Variants in TMSB15B observed in about 807,000 individuals in gnomAD.
The protein encoded by TMSB15B is thymosin beta 15B.
In TMSB15B at chrX:103,940,248, G is replaced by T. The variant is rs1486875086; in HGVS notation, c.-721+20956G>T. On this transcript the variant is annotated intron_variant, in intron 1 of 3. Coordinates refer to the TMSB15B transcript ENST00000419165. ...AGGAATGTTAAAGTCTGCTGAAACT[G>T]CGCCCACAGCCGCCCCTTCTCCCAG... Among the ~76,000 whole-genome samples, 9 of 112,264 alleles carry T rather than the reference G, an allele frequency of 8.0e-5. No homozygotes were observed. In the Admixed American group the frequency reaches 8.5e-4, roughly 11 times the overall value.
At chrX:103,934,743 A>T (rs1345501158) in intron 1 of TMSB15B, among the ~76,000 whole-genome samples, 2 of 111,440 alleles carry the variant, frequency 1.8e-5, no homozygotes, top group African/African-American at 6.5e-5. Context: ...TCTGTCATTG[A>T]TGGGTATTTG....
rs2074983026 is a variant in TMSB15B, at chrX:103,930,773, C to T, written c.-721+11481C>T. Among the ~76,000 whole-genome samples, 3 of 103,041 alleles carry T rather than the reference C, an allele frequency of 2.9e-5. No individual in the cohort carries two copies. In the South Asian group the frequency reaches 1.3e-3, roughly 45 times the overall value. The allele number at this position is 103,041 out of a possible 115,157, so 89.5% of individuals were successfully genotyped here. Reference sequence around the variant, plus strand: ...TAATAATAATAATAATAATAAATTACTTTCAACTGGAACATTTGATGGGTT... The same window carrying T: ...TAATAATAATAATAATAATAAATTATTTTCAACTGGAACATTTGATGGGTT... On this transcript the variant is annotated intron_variant, in intron 1 of 3. Transcript: ENST00000419165.
chrX:103,925,565 A>G (rs1303597838), intron 1 of TMSB15B, among the ~76,000 whole-genome samples: 1 of 112,018 alleles, frequency 8.9e-6, no homozygotes, highest in Non-Finnish European at 1.9e-5. Flanking sequence ...GATGACTACA[A>G]ATTATTTTGC....
At chrX:103,951,635 G>A (rs2075039447) in intron 1 of TMSB15B, among the ~76,000 whole-genome samples, 1 of 111,296 alleles carries the variant, frequency 9.0e-6, no homozygotes, top group Non-Finnish European at 1.9e-5. Flanking sequence ...GGCTCATGGG[G>A]ATGTAGCTGG....
At chrX:103,930,051 G>C (rs1389811658) in intron 1 of TMSB15B, among the ~76,000 whole-genome samples, 1 of 110,484 alleles carries the variant, frequency 9.1e-6, no homozygotes, top group African/African-American at 3.3e-5. Flanking sequence ...AATGTAGTTA[G>C]TATGACATAA....
At chrX:103,931,454 A>G (rs1239173454) in intron 1 of TMSB15B, 1 of 111,830 alleles carries the variant, frequency 8.9e-6, no homozygotes, top group Non-Finnish European at 1.9e-5. Flanking sequence ...TTATTATTTA[A>G]GTGTGCACTC....
intron 1 of TMSB15B, among the ~76,000 whole-genome samples, chrX:103,953,093 G>A (rs1485822921): frequency 9.0e-6 from 1 of 111,705 alleles, no homozygotes; most frequent in Non-Finnish European, 1.9e-5. Context: ...AAGGCAGGAC[G>A]ACGGCACACC....
chrX:103,933,451 C>T (rs1258436618), intron 1 of TMSB15B, among the ~76,000 whole-genome samples: 3 of 111,221 alleles, frequency 2.7e-5, no homozygotes, highest in Non-Finnish European at 3.8e-5. Context: ...ATAACTAGCC[C>T]GGGCAAGAAA....
At chrX:103,922,629 C>G (rs2074956898) in intron 1 of TMSB15B, among the ~76,000 whole-genome samples, 1 of 111,066 alleles carries the variant, frequency 9.0e-6, no homozygotes, top group Non-Finnish European at 1.9e-5. Context: ...GGGTTGGTTC[C>G]AAGTCTTTGC....
At chrX:103,940,133 T>G (rs1391226443) in intron 1 of TMSB15B, among the ~76,000 whole-genome samples, 3 of 111,951 alleles carry the variant, frequency 2.7e-5, no homozygotes, top group Non-Finnish European at 1.9e-5. Flanking sequence ...GGCACGAGTG[T>G]CAGGGACCCA....
At chrX:103,922,834 G>A (rs1260090632) in intron 1 of TMSB15B, among the ~76,000 whole-genome samples, 8 of 112,108 alleles carry the variant, frequency 7.1e-5, no homozygotes, top group African/African-American at 2.6e-4. Context: ...CAGTGTAAAA[G>A]TGTTCCTGTT....
intron 1 of TMSB15B, among the ~76,000 whole-genome samples, chrX:103,919,720 T>C (rs782448943): frequency 3.2e-4 from 36 of 112,270 alleles, no homozygotes; most frequent in Non-Finnish European, 6.4e-4. Flanking sequence ...TGGGACTGCA[T>C]AGAATTAGTG....
At chrX:103,925,241 A>T (rs782194783) in intron 1 of TMSB15B, among the ~76,000 whole-genome samples, 1 of 112,307 alleles carries the variant, frequency 8.9e-6, no homozygotes, top group South Asian at 3.7e-4. Flanking sequence ...TGTCTTGCCC[A>T]AGGTCACACA....
chrX:103,920,412 G>C (rs1485798014), intron 1 of TMSB15B, among the ~76,000 whole-genome samples: 2 of 112,052 alleles, frequency 1.8e-5, no homozygotes, highest in East Asian at 2.8e-4. Context: ...TGATTCTGAG[G>C]TGTAGAGAGA....
At chrX:103,930,907 G>C (rs1310679555) in intron 1 of TMSB15B, 1 of 110,932 alleles carries the variant, frequency 9.0e-6, no homozygotes, top group Non-Finnish European at 1.9e-5. Context: ...GGGATTTTGA[G>C]GATTTCCAAG....
chrX:103,941,192 T>C (rs1475953275), intron 1 of TMSB15B, among the ~76,000 whole-genome samples: 2 of 112,292 alleles, frequency 1.8e-5, no homozygotes, highest in Admixed American at 9.4e-5. Context: ...TCCTTTGTTA[T>C]AGCTCAATGC....
chrX:103,934,572 T>C (rs1434263054), intron 1 of TMSB15B, among the ~76,000 whole-genome samples: 1 of 111,190 alleles, frequency 9.0e-6, no homozygotes, highest in Non-Finnish European at 1.9e-5. Context: ...CTCCCACTTA[T>C]GAGTGAGAGC....
At chrX:103,934,670 T>C (rs1382977018) in intron 1 of TMSB15B, among the ~76,000 whole-genome samples, 2 of 111,921 alleles carry the variant, frequency 1.8e-5, no homozygotes, top group African/African-American at 6.5e-5. Flanking sequence ...AGACATTAAC[T>C]CATTCTTTTT....
At position 103,940,715 on chromosome X, in the gene TMSB15B, ACAACAACAACAACAACAG is replaced by A. The variant is rs1328106700; in HGVS notation, c.-720-21281_-720-21264del. Among the ~76,000 whole-genome samples the A allele has an allele frequency of 2.3e-3, 259 of 110,942 alleles. 1 individual carries two copies. Among genetic ancestry groups the A allele is most frequent in the African/African-American group, 7.7e-3 (235 of 30,500 alleles). ...AGGCTTCACTGGGGTATGAAAAACA[ACAACAACAACAACAACAG>A]CAACAACAACAACAACAGCAACAAA... On this transcript the variant is annotated intron_variant, in intron 1 of 3. Coordinates refer to the TMSB15B transcript ENST00000419165.
Sources: gnomAD v4.1 joint callset for allele counts (sites outside exome capture counted in the v4.1 genomes callset) on GRCh38, gnomAD v4.1.1 for gene constraint, MANE v1.5 for transcripts, NCBI Gene and HGNC (gene_info 2026-07-23, HGNC 2026-07-21) for gene names.